The following TEX15 variants were observed in gnomAD, a reference collection of about 807,000 sequenced individuals.
The protein encoded by TEX15 is testis-expressed protein 15.
In TEX15, 171 loss-of-function variants were observed where a neutral mutation model predicts 237.3. The observed-to-expected ratio is 0.72, with a 90% CI of 0.64 to 0.82. The LOEUF (loss-of-function observed/expected upper bound fraction) is 0.82, where lower values mean the gene tolerates loss of function less well. Ranked by LOEUF, TEX15 falls within the 40% of genes least tolerant of loss-of-function variation. The probability of loss-of-function intolerance (pLI) is 0.00; values close to 1 mark genes in which losing one functional copy is unlikely to be tolerated. For missense variants in TEX15, 3,750 were observed against 3,646.5 expected, an observed-to-expected ratio of 1.03 and a Z score of -0.73; for synonymous variants, 1,338 against 1,269.8, an observed-to-expected ratio of 1.05 and a Z score of -1.14.
At chr8:30,838,754 A>ATGTG in intron 9 of TEX15, among the ~76,000 whole-genome samples, 1 of 131,238 alleles carries the variant, frequency 7.6e-6, no homozygotes, top group Admixed American at 7.8e-5. Flanking sequence ...ATGTATGTGT[A>ATGTG]TGTGTGTATA....
chr8:30,847,347 C>T lies in TEX15; in HGVS notation c.2820G>A (p.Glu940=), dbSNP rs1487608783. 1.2e-6 allele frequency: 2 copies of T among 1,613,778 alleles called. No homozygotes were observed. The highest frequency in any genetic ancestry group is 1.6e-4 in the Middle Eastern group (1 of 6,062). The change falls in exon 8 of 11, where the codon GAG becomes GAA. Residue 940 remains glutamate, a synonymous_variant. Transcript: ENST00000643185. ...CGGCACTAATGGTATCTTCTTCACT[C>T]TCTAATAATGCAGTTGCTGCTGACA... ...NAVSAATALL[E]SEEDTISAVK...
intron 1 of TEX15, among the ~76,000 whole-genome samples, chr8:30,912,098 G>A (rs1248088078): frequency 2.6e-5 from 4 of 152,218 alleles, no homozygotes; most frequent in Non-Finnish European, 5.9e-5. Context: ...CTCCCCTCAG[G>A]CGCCCGCGTC....
At chr8:30,862,979 C>T (rs1808082839) in intron 5 of TEX15, among the ~76,000 whole-genome samples, 1 of 152,072 alleles carries the variant, frequency 6.6e-6, no homozygotes, top group Admixed American at 6.6e-5. Context: ...ATCTGTCTCC[C>T]CACCTAGACA....
intron 1 of TEX15, among the ~76,000 whole-genome samples, chr8:30,907,013 T>C (rs961450557): frequency 2.6e-5 from 4 of 152,182 alleles, no homozygotes; most frequent in Non-Finnish European, 2.9e-5. Context: ...AAACATACCA[T>C]ACAGATGTAA....
chr8:30,858,910 T>C (rs1807974692), intron 6 of TEX15, 80 bp from the exon 7 acceptor site: 1 of 970,062 alleles, frequency 1.0e-6, no homozygotes. Context: ...AAAATCAATA[T>C]AATTGCATAT....
intron 7 of TEX15, among the ~76,000 whole-genome samples, chr8:30,853,387 T>G (rs138765505): frequency 6.6e-6 from 1 of 152,122 alleles, no homozygotes; most frequent in South Asian, 2.1e-4. Context: ...TATAGTACAA[T>G]TGGCCCTATG....
intron 9 of TEX15, among the ~76,000 whole-genome samples, chr8:30,838,708 A>G (rs1173434966): frequency 8.8e-5 from 13 of 146,956 alleles, no homozygotes; most frequent in Non-Finnish European, 1.8e-4. Flanking sequence ...ACACACACAC[A>G]CACACACACA....
intron 2 of TEX15, among the ~76,000 whole-genome samples, chr8:30,892,165 A>C (rs746903932): frequency 6.6e-6 from 1 of 152,190 alleles, no homozygotes; most frequent in South Asian, 2.1e-4. Flanking sequence ...CTTTGCCTCA[A>C]ATTCATTTTT....
chr8:30,881,399 T>A (rs1808517017), intron 3 of TEX15, among the ~76,000 whole-genome samples: 1 of 152,170 alleles, frequency 6.6e-6, no homozygotes, highest in South Asian at 2.1e-4. Flanking sequence ...GTAAGACTAT[T>A]TAAATGATCT....
At position 30,889,940 on chromosome 8, in the gene TEX15, T is replaced by TATATATAC. The variant is rs1554502301; in HGVS notation, c.-9-2630_-9-2629insGTATATAT. On this transcript the variant is annotated intron_variant, in intron 2 of 10. Coordinates refer to ENST00000643185, the MANE Select transcript of TEX15 (RefSeq NM_001350162.2). ...TTTATGTATTAGTTATATACATATA[T>TATATATAC]ATATATATATATACATATATATATA... Among the ~76,000 whole-genome samples, 523 of 129,756 alleles carry TATATATAC rather than the reference T, an allele frequency of 4.0e-3. 15 individuals are homozygous for TATATATAC. The highest frequency in any genetic ancestry group is 0.015 in the African/African-American group (418 of 27,630). The allele number at this position is 129,756 out of a possible 152,430, so 85.1% of individuals were successfully genotyped here.
At chr8:30,865,348 G>A (rs1808137384) in intron 5 of TEX15, among the ~76,000 whole-genome samples, 1 of 152,084 alleles carries the variant, frequency 6.6e-6, no homozygotes, top group Non-Finnish European at 1.5e-5. Context: ...GAAAAGCCCA[G>A]GTCCTGATGG....
intron 1 of TEX15, among the ~76,000 whole-genome samples, chr8:30,902,280 T>C (rs1200827582): frequency 6.6e-6 from 1 of 151,888 alleles, no homozygotes; most frequent in East Asian, 1.9e-4. Flanking sequence ...GAGTCACTAT[T>C]AGGAAAAAGA....
intron 3 of TEX15, among the ~76,000 whole-genome samples, 196 bp from the exon 4 acceptor site, chr8:30,875,298 C>T (rs144042440): frequency 4.6e-5 from 7 of 152,172 alleles, no homozygotes; most frequent in African/African-American, 1.2e-4. Context: ...AAAATATGAA[C>T]CATGATTTTC....
intron 4 of TEX15, 149 bp from the exon 5 acceptor site, chr8:30,867,651 A>G (rs1808202678): frequency 5.1e-6 from 3 of 589,892 alleles, no homozygotes; most frequent in Non-Finnish European, 9.0e-6. Context: ...ATTTGGTTGA[A>G]AATCATCTTA....
At chr8:30,860,415 A>ATT (rs34445651) in intron 5 of TEX15, among the ~76,000 whole-genome samples, 6 of 147,884 alleles carry the variant, frequency 4.1e-5, no homozygotes, top group African/African-American at 1.5e-4. Context: ...CCAGGCCCTG[A>ATT]TTTTTTTTTT....
At position 30,847,983 on chromosome 8, in the gene TEX15, A is replaced by G. The variant is rs761668817; in HGVS notation, c.2184T>C (p.Ser728=). ...ESLSQKHPQH[S]VEYEGNIHTS... The stretch of plus-strand genomic sequence containing the variant: ...TATGAATGTTACCCTCATACTCCAC[A>G]GAGTGCTGAGGATGCTTTTGTGACA... Residue 728 remains serine (S), a synonymous_variant, in exon 8 of 11, where the codon TCT becomes TCC. Coordinates refer to ENST00000643185, the MANE Select transcript of TEX15 (RefSeq NM_001350162.2). The G allele has an allele frequency of 6.2e-7, 1 of 1,613,842 alleles. No homozygotes were observed. The highest frequency in any genetic ancestry group is 8.5e-7 in the Non-Finnish European group (1 of 1,179,880).
At chr8:30,852,209 A>G (rs1807804115) in intron 7 of TEX15, among the ~76,000 whole-genome samples, 1 of 134,022 alleles carries the variant, frequency 7.5e-6, no homozygotes, top group Admixed American at 8.8e-5. Flanking sequence ...GGTTCACGCC[A>G]TTCTCCTGCC....
intron 6 of TEX15, 122 bp downstream of exon 6, chr8:30,859,789 T>A: frequency 1.4e-6 from 1 of 732,502 alleles, no homozygotes; most frequent in Non-Finnish European, 1.9e-6. Context: ...TTTCACTGTT[T>A]GCTTAAGATA....
At chr8:30,910,196 G>C (rs1809190104) in intron 1 of TEX15, among the ~76,000 whole-genome samples, 1 of 151,926 alleles carries the variant, frequency 6.6e-6, no homozygotes, top group South Asian at 2.1e-4. Context: ...ACTTTAAAGT[G>C]CTCAAGTACA....
Sources: allele counts gnomAD v4.1 joint callset (sites outside exome capture counted in the v4.1 genomes callset), GRCh38; gene constraint gnomAD v4.1.1; transcripts MANE v1.5; gene names NCBI Gene and HGNC (gene_info 2026-07-23, HGNC 2026-07-21).